The following SGCG variants were observed in gnomAD, a reference collection of about 807,000 sequenced individuals.
The protein encoded by SGCG is sarcoglycan gamma.
Under a neutral mutation model 29.3 loss-of-function variants are expected in SGCG, and 26 were observed. That is an observed-to-expected ratio of 0.89 (90% CI 0.65 to 1.23). SGCG has a LOEUF of 1.23. Among genes scored for constraint, SGCG ranks in the 50% most tolerant of loss-of-function variants. SGCG has a pLI of 0.00. For missense variants in SGCG, 353 were observed against 356.0 expected, an observed-to-expected ratio of 0.99 and a Z score of 0.07; for synonymous variants, 145 against 129.7, an observed-to-expected ratio of 1.12 and a Z score of -0.80.
chr13:23,207,028 AAAC>A (rs138470176), intron 2 of SGCG, among the ~76,000 whole-genome samples: 14,226 of 152,298 alleles, frequency 0.093, 766 homozygotes, highest in African/African-American at 0.11. Context: ...TGAGAAAGAA[AAAC>A]AACGCTAGAG....
At chr13:23,229,601 G>A (rs1879030115) in intron 2 of SGCG, among the ~76,000 whole-genome samples, 1 of 152,072 alleles carries the variant, frequency 6.6e-6, no homozygotes, top group South Asian at 2.1e-4. Flanking sequence ...TTTGAAAAGT[G>A]TTCATGTCCT....
chr13:23,219,412 CTAAA>C (rs1878568635), intron 2 of SGCG, among the ~76,000 whole-genome samples: 1 of 152,058 alleles, frequency 6.6e-6, no homozygotes, highest in South Asian at 2.1e-4. Flanking sequence ...CTTTTAATGT[CTAAA>C]TAGAGGTATT....
At chr13:23,298,180 A>G (rs1458328749) in intron 6 of SGCG, among the ~76,000 whole-genome samples, 1 of 151,066 alleles carries the variant, frequency 6.6e-6, no homozygotes, top group South Asian at 2.1e-4. Flanking sequence ...ATGTGATGAA[A>G]CCCCATCTCT....
intron 6 of SGCG, among the ~76,000 whole-genome samples, chr13:23,298,607 T>C (rs1211998166): frequency 2.0e-5 from 3 of 152,148 alleles, no homozygotes; most frequent in Non-Finnish European, 4.4e-5. Flanking sequence ...AGAATTTTTA[T>C]AGAGAAGAAA....
the SGCG span, among the ~76,000 whole-genome samples, chr13:23,161,853 A>T: frequency 1.3e-5 from 2 of 152,238 alleles, no homozygotes; most frequent in African/African-American, 4.8e-5. Flanking sequence ...TTTTTGCTGA[A>T]TCAGACAGAC....
At chr13:23,314,865 C>G (rs1882749256) in intron 6 of SGCG, among the ~76,000 whole-genome samples, 1 of 152,106 alleles carries the variant, frequency 6.6e-6, no homozygotes, top group African/African-American at 2.4e-5. Flanking sequence ...CCTAGTGGGC[C>G]TATTTGGATT....
At chr13:23,227,748 C>G (rs1166017571) in intron 2 of SGCG, among the ~76,000 whole-genome samples, 2 of 152,154 alleles carry the variant, frequency 1.3e-5, no homozygotes, top group Non-Finnish European at 2.9e-5. Context: ...AGATCAGTGG[C>G]TACCAAGGAA....
the SGCG span, among the ~76,000 whole-genome samples, chr13:23,174,079 T>C: frequency 6.6e-6 from 1 of 152,184 alleles, no homozygotes. Context: ...ACCAAAAGTG[T>C]CAGACAATCT....
rs138852798 is a variant in SGCG at position 23,229,798 on chromosome 13, T to C, written c.196-4813T>C. 3.1e-3 allele frequency among the ~76,000 whole-genome samples: 469 copies of C among 152,334 alleles called. 4 individuals carry two copies. The highest frequency in any genetic ancestry group is 0.011 in the African/African-American group (447 of 41,578). ...AGCTCTTTAGTTTAATGAGGCCTCA[T>C]TTGTCAATTTTGGCTTCTGTTGCAG... On this transcript the variant is annotated intron_variant, in intron 2 of 7. Transcript: ENST00000218867.
At position 23,286,556 on chromosome 13, in the gene SGCG, G is replaced by A. The variant is rs187817239; in HGVS notation, c.505+7078G>A. Among the ~76,000 whole-genome samples the A allele has an allele frequency of 7.2e-4, 110 of 152,274 alleles. 4 individuals carry two copies. The East Asian group carries it at 0.021, about 29-fold the overall frequency. ...GGGATACGTTCAAAGAGCCCCAGGG[G>A]ATACCTCAAGCTGCAGATAGTACTA... On this transcript the variant is annotated intron_variant, in intron 5 of 7. Coordinates refer to ENST00000218867, the MANE Select transcript of SGCG (RefSeq NM_000231.3).
the SGCG span, among the ~76,000 whole-genome samples, chr13:23,163,226 A>G: frequency 9.9e-5 from 15 of 152,226 alleles, no homozygotes; most frequent in African/African-American, 3.4e-4. Context: ...AAAATTAGGA[A>G]ATAAAATTAA....
At chr13:23,215,449 TA>T (rs1272547853) in intron 2 of SGCG, among the ~76,000 whole-genome samples, 1 of 152,174 alleles carries the variant, frequency 6.6e-6, no homozygotes, top group Admixed American at 6.6e-5. Flanking sequence ...AATATTAGCT[TA>T]GGATTCAGAC....
chr13:23,260,768 T>A lies in SGCG; in HGVS notation c.385+10051T>A, dbSNP rs1456445016. ...GGTGACAAAATCTCTCAGCATTTGC[T>A]TATCTGTACAGGATTTTATTTCTCC... On this transcript the variant is annotated intron_variant, in intron 4 of 7. Transcript: ENST00000218867. Among the ~76,000 whole-genome samples, 3 of 152,320 alleles carry A rather than the reference T, an allele frequency of 2.0e-5. No homozygotes were observed. In the East Asian group the frequency reaches 5.8e-4, roughly 29 times the overall value.
At chr13:23,206,968 C>G (rs1055324520) in intron 2 of SGCG, among the ~76,000 whole-genome samples, 3 of 152,142 alleles carry the variant, frequency 2.0e-5, no homozygotes, top group Admixed American at 6.6e-5. Context: ...AAAACACAAT[C>G]CAAAAATTCA....
the SGCG span, among the ~76,000 whole-genome samples, chr13:23,171,259 T>G: frequency 6.6e-6 from 1 of 152,194 alleles, no homozygotes; most frequent in African/African-American, 2.4e-5. Flanking sequence ...GTCAGACACC[T>G]TTTGTACATT....
intron 6 of SGCG, among the ~76,000 whole-genome samples, chr13:23,316,741 GAGATCTT>G (rs1165358470): frequency 1.3e-5 from 2 of 152,168 alleles, no homozygotes; most frequent in African/African-American, 2.4e-5. Context: ...TGCTGGCCTA[GAGATCTT>G]AGTTCCAGAG....
chr13:23,207,747 A>T (rs997685598), intron 2 of SGCG, among the ~76,000 whole-genome samples: 2 of 152,124 alleles, frequency 1.3e-5, no homozygotes, highest in Non-Finnish European at 1.5e-5. Context: ...AACCACTATA[A>T]GCTACTACCT....
At chr13:23,221,029 A>C (rs1878637076) in intron 2 of SGCG, among the ~76,000 whole-genome samples, 1 of 61,384 alleles carries the variant, frequency 1.6e-5, no homozygotes, top group Non-Finnish European at 3.7e-5. Flanking sequence ...CATCTACAGC[A>C]ATGTTTTAGG....
At chr13:23,258,474 A>G (rs531106285) in intron 4 of SGCG, among the ~76,000 whole-genome samples, 3 of 152,318 alleles carry the variant, frequency 2.0e-5, no homozygotes, top group African/African-American at 7.2e-5. Context: ...TTCTAAATAT[A>G]CAATCATGTC....
Sources: gnomAD v4.1 joint callset for allele counts (sites outside exome capture counted in the v4.1 genomes callset) on GRCh38, gnomAD v4.1.1 for gene constraint, MANE v1.5 for transcripts, NCBI Gene and HGNC (gene_info 2026-07-23, HGNC 2026-07-21) for gene names.